Variants in SSH2 observed in about 807,000 individuals in gnomAD.
SSH2 encodes slingshot protein phosphatase 2, also known as protein phosphatase Slingshot homolog 2.
SSH2 carries 37 observed loss-of-function variants against 135.2 expected under a neutral mutation model. That is an observed-to-expected ratio of 0.27 (90% CI 0.21 to 0.36). The LOEUF is 0.36. Ranked by LOEUF, SSH2 falls within the 10% of genes least tolerant of loss-of-function variation. The pLI is 1.00. For missense variants in SSH2, 1,408 were observed against 1,765.3 expected, an observed-to-expected ratio of 0.80 and a Z score of 3.63; for synonymous variants, 628 against 646.2, an observed-to-expected ratio of 0.97 and a Z score of 0.43.
At chr17:29,721,257 T>C (rs772971487) in intron 3 of SSH2, among the ~76,000 whole-genome samples, 19 of 152,178 alleles carry the variant, frequency 1.2e-4, no homozygotes, top group Admixed American at 5.9e-4. Flanking sequence ...CTTTCATATG[T>C]GTTTTAAATG....
intron 1 of SSH2, among the ~76,000 whole-genome samples, chr17:29,929,484 C>G (rs2067139718): frequency 6.6e-6 from 1 of 151,952 alleles, no homozygotes; most frequent in Non-Finnish European, 1.5e-5. Flanking sequence ...CACACCCTGG[C>G]GAGTACGAAG....
intron 2 of SSH2, among the ~76,000 whole-genome samples, chr17:29,821,714 G>A (rs980735393): frequency 6.6e-6 from 1 of 150,650 alleles, no homozygotes; most frequent in Non-Finnish European, 1.5e-5. Flanking sequence ...GCGCGATCTC[G>A]GCTCACTGCA....
At chr17:29,761,407 C>T (rs962444588) in intron 3 of SSH2, 2 of 1,058,762 alleles carry the variant, frequency 1.9e-6, no homozygotes, top group African/African-American at 1.7e-5. Flanking sequence ...GCCGAAGCCC[C>T]AGGGCTCGGC....
At chr17:29,834,687 C>T (rs2042914713) in intron 2 of SSH2, among the ~76,000 whole-genome samples, 1 of 152,110 alleles carries the variant, frequency 6.6e-6, no homozygotes, top group African/African-American at 2.4e-5. Context: ...AATTCTCCTA[C>T]ATGATCTTCC....
rs766803043 is a variant in SSH2, at chr17:29,631,345, G to T, written c.3849C>A (p.Arg1283=). The stretch of plus-strand genomic sequence containing the variant: ...AACCTAATTTGGCGAGAGAAGCTGA[G>T]CGCCTCATTTGGGATGGTTTGGTGA... ...AGLTKPSQMR[R]SASLAKLGYL... The change falls in exon 16 of 16, where the codon CGC becomes CGA. Residue 1283 remains arginine (R), a synonymous_variant. Coordinates refer to ENST00000540801, the MANE Select transcript of SSH2 (RefSeq NM_001282129.2). 6.2e-7 allele frequency: 1 copy of T among 1,614,168 alleles called. No individual in the cohort carries two copies. Among genetic ancestry groups the T allele is most frequent in the Non-Finnish European group, 8.5e-7 (1 of 1,180,030 alleles).
At position 29,628,467 on chromosome 17, in the gene SSH2, C is replaced by T. The variant is rs2035561631; in HGVS notation, c.*2374G>A. The T allele has an allele frequency of 6.6e-6, 1 of 152,092 alleles. No individual in the cohort carries two copies. The allele number at this position is 152,092 out of a possible 1,614,324, so 9.4% of individuals were successfully genotyped here. A position where few individuals can be genotyped will look rare whatever the true frequency, so the allele number is the denominator to read the frequency against. ...TTGTACCTCTTAGTGTGTGGGATGTCATCATCGTAAGGGGTTACCACAAGT... is the reference window on the plus strand; with the variant it reads ...TTGTACCTCTTAGTGTGTGGGATGTTATCATCGTAAGGGGTTACCACAAGT... On this transcript the variant is annotated 3_prime_UTR_variant, in exon 16 of 16. Transcript: ENST00000540801.
In SSH2 at chr17:29,843,205, G is replaced by C. The variant is rs555055404; in HGVS notation, c.144+5644C>G. Among the ~76,000 whole-genome samples, 33 of 152,180 alleles carry C rather than the reference G, an allele frequency of 2.2e-4. No homozygotes were observed. The South Asian group carries it at 6.7e-3, about 31-fold the overall frequency. On this transcript the variant is annotated intron_variant, in intron 2 of 15. Transcript: ENST00000540801. Reference sequence around the variant, plus strand: ...GTTCATCCACTACTATCTTGTTTTTGCTTATAATCTCTAGAGATTTACAAA... The same window carrying C: ...GTTCATCCACTACTATCTTGTTTTTCCTTATAATCTCTAGAGATTTACAAA...
In SSH2 at chr17:29,855,570, C is replaced by T. The variant is rs557124924; in HGVS notation, c.64-6641G>A. Among the ~76,000 whole-genome samples, 4 of 112,184 alleles carry T rather than the reference C, an allele frequency of 3.6e-5. No individual in the cohort carries two copies. In the East Asian group the frequency reaches 1.6e-3, roughly 45 times the overall value. The allele number at this position is 112,184 out of a possible 152,430, so 73.6% of individuals were successfully genotyped here. On this transcript the variant is annotated intron_variant, in intron 1 of 15. Coordinates refer to ENST00000540801, the MANE Select transcript of SSH2 (RefSeq NM_001282129.2). Reference sequence around the variant, plus strand: ...TAAAATATATTTATACCCCAAAGCCCAGCAACTTTGGGAGTAAGCTTTTAA... The same window carrying T: ...TAAAATATATTTATACCCCAAAGCCTAGCAACTTTGGGAGTAAGCTTTTAA...
At chr17:29,644,547 G>A (rs1482407931) in intron 14 of SSH2, among the ~76,000 whole-genome samples, 12 of 152,088 alleles carry the variant, frequency 7.9e-5, no homozygotes, top group African/African-American at 2.7e-4. Context: ...GATGGCTCAC[G>A]CCTGTAATCC....
At chr17:29,886,376 C>T (rs2066237614) in intron 1 of SSH2, among the ~76,000 whole-genome samples, 1 of 152,004 alleles carries the variant, frequency 6.6e-6, no homozygotes, top group Non-Finnish European at 1.5e-5. Context: ...GAACTTTGAA[C>T]TTGAGAGAGA....
chr17:29,684,502 AAG>A, intron 6 of SSH2, 59 bp downstream of exon 6: 32 of 1,452,484 alleles, frequency 2.2e-5, no homozygotes, highest in South Asian at 7.7e-5. Flanking sequence ...AAAAAAAAAA[AAG>A]CAACTGGAAC....
chr17:29,913,353 TATATATATATATATA>T (rs1567650063), intron 1 of SSH2, among the ~76,000 whole-genome samples: 1 of 28,592 alleles, frequency 3.5e-5, no homozygotes, highest in East Asian at 9.8e-4. Context: ...AAAAAATATA[TATATATATATATATA>T]TATATATATA....
At position 29,650,677 on chromosome 17, in the gene SSH2, A is replaced by C; in HGVS notation, c.1203T>G (p.Thr401=). The C allele has an allele frequency of 6.2e-7, 1 of 1,613,700 alleles. No individual in the cohort carries two copies. The highest frequency in any genetic ancestry group is 8.5e-7 in the Non-Finnish European group (1 of 1,179,806). The change falls in exon 13 of 16, where the codon ACT becomes ACG. Residue 401 remains threonine, a synonymous_variant. Transcript: ENST00000540801. ...ATDLLAYWND[T]YKFISKAKKH... is the part of the protein sequence containing the mutation. ...ACTTTGCTTTAGAGATGAATTTGTA[A>C]GTGTCATTCCAGTACGCCAGGAGAT...
intron 3 of SSH2, among the ~76,000 whole-genome samples, chr17:29,755,547 T>C (rs2041086331): frequency 6.6e-6 from 1 of 152,154 alleles, no homozygotes; most frequent in South Asian, 2.1e-4. Flanking sequence ...TAAGAGCCTA[T>C]GAAATTACCA....
rs143235913 is a variant in SSH2 at position 29,863,099 on chromosome 17, G to T, written c.64-14170C>A. On this transcript the variant is annotated intron_variant, in intron 1 of 15. Coordinates refer to ENST00000540801, the MANE Select transcript of SSH2 (RefSeq NM_001282129.2). Reference sequence around the variant, plus strand: ...TTTTAAAAAAAAGGACAAAGAATGTGCAACAGAGACCATATGTGGCTTTTG... The same window carrying T: ...TTTTAAAAAAAAGGACAAAGAATGTTCAACAGAGACCATATGTGGCTTTTG... 3.8e-3 allele frequency among the ~76,000 whole-genome samples: 573 copies of T among 152,094 alleles called. 4 individuals are homozygous for T. Among genetic ancestry groups the T allele is most frequent in the African/African-American group, 0.013 (549 of 41,480 alleles).
chr17:29,907,422 T>A (rs1374461275), intron 1 of SSH2, among the ~76,000 whole-genome samples: 1 of 152,130 alleles, frequency 6.6e-6, no homozygotes, highest in South Asian at 2.1e-4. Flanking sequence ...ACCTAGGTAA[T>A]GGGATGATCT....
intron 1 of SSH2, among the ~76,000 whole-genome samples, chr17:29,913,384 C>A (rs1464923251): frequency 1.1e-4 from 6 of 56,522 alleles, no homozygotes; most frequent in East Asian, 1.7e-3. Flanking sequence ...ATATATATAT[C>A]CAATTTCTAC....
At chr17:29,927,788 G>A (rs1461914255) in intron 1 of SSH2, among the ~76,000 whole-genome samples, 2 of 152,182 alleles carry the variant, frequency 1.3e-5, no homozygotes, top group Non-Finnish European at 2.9e-5. Context: ...TGTTACACCA[G>A]CCTTAGGATT....
At chr17:29,681,527 A>G (rs2037989283) in intron 6 of SSH2, among the ~76,000 whole-genome samples, 1 of 151,522 alleles carries the variant, frequency 6.6e-6, no homozygotes, top group Admixed American at 6.6e-5. Context: ...CCTACTATGT[A>G]CCAGACATTT....
Sources: gnomAD v4.1 joint callset for allele counts (sites outside exome capture counted in the v4.1 genomes callset) on GRCh38, gnomAD v4.1.1 for gene constraint, MANE v1.5 for transcripts, NCBI Gene and HGNC (gene_info 2026-07-23, HGNC 2026-07-21) for gene names.